PIGF: variants seen among roughly 807,000 people sequenced by gnomAD.
PIGF encodes phosphatidylinositol glycan anchor biosynthesis class F, also known as GPI ethanolamine phosphate transferase, stabilizing subunit.
In PIGF, 23 loss-of-function variants were observed where a neutral mutation model predicts 26.0. The observed-to-expected ratio is 0.88, with a 90% CI of 0.64 to 1.25. The LOEUF is 1.25. Ranked by LOEUF, PIGF falls within the 50% of genes most tolerant of loss-of-function variation. The pLI is 0.00. For synonymous variants in PIGF, 93 were observed against 92.6 expected (o/e 1.00, Z -0.03); for missense variants, 278 against 249.9 (o/e 1.11, Z -0.76).
chr2:46,616,995 A>C lies in PIGF; in HGVS notation c.-47T>G. 5 of 540,468 alleles carry C rather than the reference A, an allele frequency of 9.3e-6. No individual in the cohort carries two copies. The highest frequency in any genetic ancestry group is 1.7e-5 in the Non-Finnish European group (5 of 302,960). The allele number at this position is 540,468 out of a possible 1,614,324, so 33.5% of individuals were successfully genotyped here. A position where few individuals can be genotyped will look rare whatever the true frequency, so the allele number is the denominator to read the frequency against. ...CTAACTCTCCCTCCCGCGGAAGGGA[A>C]GCGGGGAACTACTGCCTCCTACCAT... On this transcript the variant is annotated 5_prime_UTR_variant, in exon 1 of 6. Coordinates refer to ENST00000281382, the MANE Select transcript of PIGF (RefSeq NM_002643.4).
Position 46,613,796 on chromosome 2 carries a change from A to C in PIGF, c.229-11T>G. The C allele has an allele frequency of 1.3e-6, 2 of 1,525,418 alleles. No homozygotes were observed. The highest frequency in any genetic ancestry group is 1.8e-6 in the Non-Finnish European group (2 of 1,118,632). 94.5% of individuals were successfully genotyped at this position (1,525,418 alleles called of 1,614,324 possible). A position where few individuals can be genotyped will look rare whatever the true frequency, so the allele number is the denominator to read the frequency against. ...CAAAAATCCAGTTACCTAAAAGAGA[A>C]ATGAATAACCTGAAGATTCAAGATA... On this transcript the variant is annotated splice_polypyrimidine_tract_variant and intron_variant, in intron 2 of 5. Coordinates refer to ENST00000281382, the MANE Select transcript of PIGF (RefSeq NM_002643.4).
intron 4 of PIGF, among the ~76,000 whole-genome samples, chr2:46,611,343 GC>G (rs1670408467): frequency 6.6e-6 from 1 of 152,002 alleles, no homozygotes; most frequent in Non-Finnish European, 1.5e-5. Context: ...AATTAGCTGG[GC>G]ATGGTGGCAT....
chr2:46,592,730 G>T, intron 4 of PIGF, 147 bp from the exon 5 acceptor site: 1 of 579,702 alleles, frequency 1.7e-6, no homozygotes, highest in African/African-American at 1.9e-5. Flanking sequence ...TATTTACCAT[G>T]AACTATTAAT....
intron 5 of PIGF, among the ~76,000 whole-genome samples, chr2:46,586,674 G>A (rs1483049171): frequency 6.6e-6 from 1 of 152,162 alleles, no homozygotes; most frequent in Non-Finnish European, 1.5e-5. Flanking sequence ...ATTTGCATTT[G>A]CATGACTGAG....
chr2:46,595,083 G>C (rs2104088635), intron 4 of PIGF, among the ~76,000 whole-genome samples: 1 of 152,082 alleles, frequency 6.6e-6, no homozygotes, highest in South Asian at 2.1e-4. Context: ...TTTAAAAATA[G>C]CTTTATTGAG....
rs559749717 is a variant in PIGF, at chr2:46,601,339, T to C, written c.438-8756A>G. Among the ~76,000 whole-genome samples the C allele has an allele frequency of 1.9e-3, 284 of 152,258 alleles. 1 individual carries two copies. The highest frequency in any genetic ancestry group is 3.4e-3 in the Non-Finnish European group (234 of 67,968). ...TGCTCCAACTATTTGTCCAAATTAT[T>C]TGACTCCACTGGAATTCATTACATC... On this transcript the variant is annotated intron_variant, in intron 4 of 5. Transcript: ENST00000281382.
chr2:46,611,952 T>A (rs1009637378), intron 4 of PIGF, among the ~76,000 whole-genome samples: 6 of 145,546 alleles, frequency 4.1e-5, no homozygotes, highest in Non-Finnish European at 7.6e-5. Context: ...TTTTTTTATT[T>A]CTTCTTCTTC....
chr2:46,599,432 C>T (rs17767283), intron 4 of PIGF, among the ~76,000 whole-genome samples: 10,355 of 152,120 alleles, frequency 0.068, 438 homozygotes, highest in Non-Finnish European at 0.1. Flanking sequence ...GTCTTGTTTG[C>T]ATCCCTTTCA....
chr2:46,593,083 G>GT (rs1320860492), intron 4 of PIGF, among the ~76,000 whole-genome samples: 1 of 150,526 alleles, frequency 6.6e-6, no homozygotes, highest in Non-Finnish European at 1.5e-5. Flanking sequence ...GTTAACAGCT[G>GT]TAACAGTATT....
intron 5 of PIGF, among the ~76,000 whole-genome samples, chr2:46,586,635 GTTTGT>G (rs1447201010): frequency 6.6e-6 from 1 of 152,134 alleles, no homozygotes; most frequent in African/African-American, 2.4e-5. Flanking sequence ...TTTTCAATAT[GTTTGT>G]TTTGTTAATT....
At chr2:46,609,908 A>G (rs1200306740) in intron 4 of PIGF, among the ~76,000 whole-genome samples, 2 of 152,222 alleles carry the variant, frequency 1.3e-5, no homozygotes, top group Admixed American at 1.3e-4. Context: ...AGAGTTTCCA[A>G]TGAAGAGAAC....
chr2:46,590,515 T>C (rs555318379), intron 5 of PIGF, among the ~76,000 whole-genome samples: 78 of 87,964 alleles, frequency 8.9e-4, no homozygotes, highest in Admixed American at 1.6e-3. Context: ...TCTAATGTAT[T>C]GCATCATATA....
intron 4 of PIGF, among the ~76,000 whole-genome samples, chr2:46,606,511 T>G (rs1478747453): frequency 6.6e-6 from 1 of 152,216 alleles, no homozygotes; most frequent in African/African-American, 2.4e-5. Context: ...TATCCCTTAT[T>G]AAAGGATATT....
chr2:46,614,529 A>G (rs1304810349), intron 2 of PIGF: 1 of 156,916 alleles, frequency 6.4e-6, no homozygotes, highest in African/African-American at 2.4e-5. Flanking sequence ...TGTTGGAAAC[A>G]AGCATTACCA....
At chr2:46,600,397 T>C (rs770857168) in intron 4 of PIGF, among the ~76,000 whole-genome samples, 2 of 152,190 alleles carry the variant, frequency 1.3e-5, no homozygotes, top group African/African-American at 4.8e-5. Flanking sequence ...CAAAATTATA[T>C]GGAACAAAGA....
intron 2 of PIGF, 147 bp downstream of exon 2, chr2:46,614,790 T>C (rs1273608273): frequency 1.8e-6 from 1 of 571,238 alleles, no homozygotes; most frequent in Non-Finnish European, 3.2e-6. Context: ...TTCCACCAAG[T>C]AACAGCCTAC....
chr2:46,616,036 C>T (rs1670610039), intron 1 of PIGF: 1 of 115,670 alleles, frequency 8.6e-6, no homozygotes, highest in Admixed American at 8.6e-5. Context: ...AAATACTATA[C>T]ACACACACGC....
At chr2:46,605,366 T>C (rs1476402915) in intron 4 of PIGF, among the ~76,000 whole-genome samples, 1 of 152,050 alleles carries the variant, frequency 6.6e-6, no homozygotes, top group Non-Finnish European at 1.5e-5. Flanking sequence ...TTAAATTAAA[T>C]GAAAAAACCA....
At chr2:46,612,662 C>G (rs1572787119) in intron 3 of PIGF, among the ~76,000 whole-genome samples, 2 of 76,626 alleles carry the variant, frequency 2.6e-5, no homozygotes. Flanking sequence ...GCTCAATAGT[C>G]TCTCTGGAAC....
Sources: gnomAD v4.1 joint callset for allele counts (sites outside exome capture counted in the v4.1 genomes callset) on GRCh38, gnomAD v4.1.1 for gene constraint, MANE v1.5 for transcripts, NCBI Gene and HGNC (gene_info 2026-07-23, HGNC 2026-07-21) for gene names.